The following LGSN variants were observed in gnomAD, a reference collection of about 807,000 sequenced individuals.
LGSN encodes the protein lengsin.
In LGSN, 21 loss-of-function variants were observed where a neutral mutation model predicts 19.5. The ratio of observed to expected loss-of-function variants is 1.07; its 90% confidence interval spans 0.76 to 1.55. The LOEUF is 1.55. Ranked by LOEUF, LGSN falls within the 40% of genes most tolerant of loss-of-function variation. The pLI, the probability that LGSN is intolerant of heterozygous loss-of-function variation, is 0.00. For missense variants in LGSN, 673 were observed against 608.5 expected, an observed-to-expected ratio of 1.11 and a Z score of -1.12; for synonymous variants, 257 against 215.6, an observed-to-expected ratio of 1.19 and a Z score of -1.68.
At chr6:63,345,957 T>A in the LGSN span, among the ~76,000 whole-genome samples, 2 of 152,242 alleles carry the variant, frequency 1.3e-5, no homozygotes, top group Admixed American at 1.3e-4. Flanking sequence ...TTCCATTCTG[T>A]TGATGCATTT....
chr6:63,389,629 A>C, the LGSN span, among the ~76,000 whole-genome samples: 509 of 152,334 alleles, frequency 3.3e-3, 4 homozygotes, highest in African/African-American at 0.012. Context: ...TCTGTATACA[A>C]AACTCTTGGT....
chr6:63,429,262 C>G, the LGSN span, among the ~76,000 whole-genome samples: 5 of 152,078 alleles, frequency 3.3e-5, no homozygotes, highest in Admixed American at 1.3e-4. Flanking sequence ...ACCCAGATGC[C>G]ATATTTTTAC....
chr6:63,445,200 A>C, the LGSN span, among the ~76,000 whole-genome samples: 2 of 152,042 alleles, frequency 1.3e-5, no homozygotes, highest in Non-Finnish European at 2.9e-5. Flanking sequence ...AATCCCAGCT[A>C]CTCAGGAGGC....
chr6:63,333,146 C>T, the LGSN span, among the ~76,000 whole-genome samples: 2 of 151,982 alleles, frequency 1.3e-5, no homozygotes, highest in African/African-American at 4.8e-5. Context: ...CCCCTGCTGG[C>T]TCAGGCAGCC....
chr6:63,477,694 T>TC, the LGSN span, among the ~76,000 whole-genome samples: 1 of 111,368 alleles, frequency 9.0e-6, no homozygotes, highest in Non-Finnish European at 1.7e-5. Context: ...TTTCTTTTTT[T>TC]TTTTTTTTTT....
At chr6:63,459,664 A>C in the LGSN span, among the ~76,000 whole-genome samples, 2 of 152,154 alleles carry the variant, frequency 1.3e-5, no homozygotes, top group East Asian at 1.9e-4. Flanking sequence ...ATCTTTTTTA[A>C]GCTTTACTGG....
Position 63,280,797 on chromosome 6 carries a change from C to A in LGSN, c.754G>T (p.Ala252Ser). Reference protein sequence around the residue: ...ELVDGLYHTGANVESFSSSTR... With the variant: ...ELVDGLYHTGSNVESFSSSTR... ...GAGGAGGAAAAACTCTCGACATTGGCTCCAGTGTGATACAAGCCATCAACA... is the reference window on the plus strand; with the variant it reads ...GAGGAGGAAAAACTCTCGACATTGGATCCAGTGTGATACAAGCCATCAACA... Residue 252 changes from alanine to serine, a missense_variant, in exon 4 of 4, where the codon GCC becomes TCC. Coordinates refer to ENST00000370657, the MANE Select transcript of LGSN (RefSeq NM_016571.3). 2.5e-6 allele frequency: 4 copies of A among 1,614,126 alleles called. No homozygotes were observed. The highest frequency in any genetic ancestry group is 2.5e-6 in the Non-Finnish European group (3 of 1,179,986).
the LGSN span, among the ~76,000 whole-genome samples, chr6:63,412,562 G>GAA: frequency 8.0e-6 from 1 of 124,584 alleles, no homozygotes; most frequent in Admixed American, 8.7e-5. Flanking sequence ...AAGAAAGAAA[G>GAA]AAAGAAAGGA....
the LGSN span, among the ~76,000 whole-genome samples, chr6:63,525,948 T>C: frequency 6.6e-6 from 1 of 152,300 alleles, no homozygotes; most frequent in Admixed American, 6.5e-5. Context: ...TCTCTTCCAA[T>C]TGTCAATTGT....
chr6:63,536,653 T>A, the LGSN span, among the ~76,000 whole-genome samples: 1 of 152,232 alleles, frequency 6.6e-6, no homozygotes, highest in Admixed American at 6.5e-5. Context: ...TCGCGATAAC[T>A]GTGTTTTATC....
the LGSN span, among the ~76,000 whole-genome samples, chr6:63,513,440 C>T: frequency 6.6e-6 from 1 of 151,946 alleles, no homozygotes; most frequent in South Asian, 2.1e-4. Flanking sequence ...TAAGGGGAGC[C>T]ATGGATAATG....
At chr6:63,456,155 G>A in the LGSN span, among the ~76,000 whole-genome samples, 2 of 151,434 alleles carry the variant, frequency 1.3e-5, no homozygotes, top group Admixed American at 6.6e-5. Context: ...CCTTGAATCC[G>A]GGAGGTAAAG....
intron 1 of LGSN, among the ~76,000 whole-genome samples, chr6:63,319,107 G>A (rs147523656): frequency 2.4e-4 from 37 of 152,222 alleles, no homozygotes; most frequent in African/African-American, 8.9e-4. Flanking sequence ...ACAACTGCTT[G>A]TATTCACTAT....
the LGSN span, among the ~76,000 whole-genome samples, chr6:63,454,604 T>G: frequency 6.6e-6 from 1 of 150,694 alleles, no homozygotes; most frequent in South Asian, 2.1e-4. Flanking sequence ...CCCAAGTAGC[T>G]GAGATTACAG....
At chr6:63,543,819 C>T in the LGSN span, among the ~76,000 whole-genome samples, 7 of 152,336 alleles carry the variant, frequency 4.6e-5, no homozygotes, top group Non-Finnish European at 8.8e-5. Context: ...ACCCAGCTCA[C>T]AGTGTAATAA....
At chr6:63,344,812 T>C in the LGSN span, among the ~76,000 whole-genome samples, 3 of 152,080 alleles carry the variant, frequency 2.0e-5, no homozygotes, top group Non-Finnish European at 2.9e-5. Flanking sequence ...CAGAAAAAAA[T>C]ACTCATAGAA....
At chr6:63,483,516 C>T in the LGSN span, among the ~76,000 whole-genome samples, 1 of 152,088 alleles carries the variant, frequency 6.6e-6, no homozygotes, top group Non-Finnish European at 1.5e-5. Flanking sequence ...CAGGCATGCA[C>T]CACCACGCCC....
rs1412795955 is a variant in LGSN at position 63,281,058 on chromosome 6, T to G, written c.493A>C (p.Thr165Pro). 1 of 1,613,896 alleles carries G rather than the reference T, an allele frequency of 6.2e-7. No individual in the cohort carries two copies. Among genetic ancestry groups the G allele is most frequent in the South Asian group, 1.1e-5 (1 of 91,076 alleles). The change falls in exon 4 of 4, where the codon ACT becomes CCT. Residue 165 changes from threonine to proline, a missense_variant. Physicochemically the swap from Thr to Pro is conservative, Grantham distance 38. Transcript: ENST00000370657. Reference protein sequence around the residue: ...TFRVLPWADRTARVICDTFTV... With the variant: ...TFRVLPWADRPARVICDTFTV... ...AAGGTATCACATATCACTCTTGCAG[T>G]TCTGTCAGCCCATGGCAAAACTCTA...
At chr6:63,394,043 G>A in the LGSN span, among the ~76,000 whole-genome samples, 6 of 152,130 alleles carry the variant, frequency 3.9e-5, no homozygotes, top group African/African-American at 9.7e-5. Flanking sequence ...CGAGGTGGGC[G>A]GATCACCTGA....
Sources: allele counts gnomAD v4.1 joint callset (sites outside exome capture counted in the v4.1 genomes callset), GRCh38; gene constraint gnomAD v4.1.1; transcripts MANE v1.5; gene names NCBI Gene and HGNC (gene_info 2026-07-23, HGNC 2026-07-21).